The following BABAM2 variants were observed in gnomAD, a reference collection of about 807,000 sequenced individuals.
The protein encoded by BABAM2 is BRISC and BRCA1 A complex member 2.
Under a neutral mutation model 54.7 loss-of-function variants are expected in BABAM2, and 31 were observed. That is an observed-to-expected ratio of 0.57 (90% CI 0.43 to 0.77). The LOEUF is 0.77. Ranked by LOEUF, BABAM2 falls within the 30% of genes least tolerant of loss-of-function variation. The pLI, the probability that BABAM2 is intolerant of heterozygous loss-of-function variation, is 0.00. For missense variants in BABAM2, 364 were observed against 455.8 expected, an observed-to-expected ratio of 0.80 and a Z score of 1.83; for synonymous variants, 167 against 162.9, an observed-to-expected ratio of 1.03 and a Z score of -0.19.
intron 11 of BABAM2, among the ~76,000 whole-genome samples, chr2:28,314,137 C>G (rs969046637): frequency 6.6e-6 from 1 of 152,154 alleles, no homozygotes; most frequent in Non-Finnish European, 1.5e-5. Flanking sequence ...CTCCTAATCA[C>G]CTTACAGACA....
chr2:27,938,988 C>G (rs941520683), intron 3 of BABAM2, among the ~76,000 whole-genome samples: 1 of 152,106 alleles, frequency 6.6e-6, no homozygotes, highest in Non-Finnish European at 1.5e-5. Flanking sequence ...AAGTCTTGCT[C>G]TAGCACCAGG....
chr2:28,045,618 G>T, intron 5 of BABAM2, 107 bp from the exon 6 acceptor site: 1 of 847,776 alleles, frequency 1.2e-6, no homozygotes. Flanking sequence ...AAACCAAATT[G>T]AAGATGCCTG....
chr2:28,109,349 C>T (rs913169540), intron 6 of BABAM2, among the ~76,000 whole-genome samples: 15 of 151,802 alleles, frequency 9.9e-5, no homozygotes, highest in Admixed American at 5.3e-4. Flanking sequence ...CCACCATGCC[C>T]GGCTAATTTT....
intron 7 of BABAM2, among the ~76,000 whole-genome samples, chr2:28,166,025 A>G (rs996505837): frequency 6.6e-6 from 1 of 152,174 alleles, no homozygotes; most frequent in African/African-American, 2.4e-5. Flanking sequence ...CAATGTCCTT[A>G]TAATAAGAGG....
chr2:28,129,425 A>T, intron 7 of BABAM2, 45 bp downstream of exon 7: 1 of 1,462,502 alleles, frequency 6.8e-7, no homozygotes, highest in Non-Finnish European at 9.6e-7. Flanking sequence ...CTTCTTGCTA[A>T]CCAATATGTC....
intron 3 of BABAM2, among the ~76,000 whole-genome samples, chr2:27,933,158 A>C (rs1215983052): frequency 6.6e-6 from 1 of 152,212 alleles, no homozygotes; most frequent in Non-Finnish European, 1.5e-5. Context: ...TAAGCTCTTC[A>C]TGGGAAACCT....
intron 10 of BABAM2, among the ~76,000 whole-genome samples, chr2:28,297,244 A>T (rs572208774): frequency 1.4e-3 from 212 of 152,304 alleles, no homozygotes; most frequent in African/African-American, 3.6e-3. Flanking sequence ...TATACCTCTT[A>T]GAGTCTCTGG....
chr2:28,270,039 A>G (rs1685293569), intron 10 of BABAM2, among the ~76,000 whole-genome samples: 1 of 152,160 alleles, frequency 6.6e-6, no homozygotes. Context: ...CTATTATTAT[A>G]ATTTTATTAG....
At chr2:28,310,275 A>G in intron 11 of BABAM2, 1 of 978,094 alleles carries the variant, frequency 1.0e-6, no homozygotes, top group Non-Finnish European at 1.5e-6. Context: ...GAAGCCACTC[A>G]CCATCCTCTC....
At chr2:28,060,642 T>G (rs116759927) in intron 6 of BABAM2, among the ~76,000 whole-genome samples, 1,844 of 152,316 alleles carry the variant, frequency 0.012, 33 homozygotes, top group African/African-American at 0.041. Flanking sequence ...TTTGTAATGT[T>G]GCAGGATACA....
At chr2:28,137,735 A>T (rs1048158001) in intron 7 of BABAM2, among the ~76,000 whole-genome samples, 1 of 152,198 alleles carries the variant, frequency 6.6e-6, no homozygotes, top group Non-Finnish European at 1.5e-5. Flanking sequence ...GGCAGAAAAT[A>T]CACATTTAGA....
intron 3 of BABAM2, among the ~76,000 whole-genome samples, chr2:27,979,988 A>G (rs1671886776): frequency 2.0e-5 from 3 of 152,136 alleles, no homozygotes; most frequent in African/African-American, 7.2e-5. Context: ...TCTACTTTGT[A>G]TTTAACATTT....
chr2:28,098,968 G>T (rs554656515), intron 6 of BABAM2, among the ~76,000 whole-genome samples: 1 of 152,198 alleles, frequency 6.6e-6, no homozygotes, highest in East Asian at 1.9e-4. Flanking sequence ...ACAAGGTTAG[G>T]ATCTCAGACT....
At chr2:27,963,872 A>C (rs1358276173) in intron 3 of BABAM2, among the ~76,000 whole-genome samples, 2 of 152,224 alleles carry the variant, frequency 1.3e-5, no homozygotes, top group East Asian at 3.8e-4. Flanking sequence ...GGAGGACTCA[A>C]GTTTAAAGAG....
At chr2:28,170,923 A>G (rs1263815672) in intron 7 of BABAM2, among the ~76,000 whole-genome samples, 1 of 152,234 alleles carries the variant, frequency 6.6e-6, no homozygotes, top group African/African-American at 2.4e-5. Flanking sequence ...AGAACACGGT[A>G]TAAAAGGATA....
intron 7 of BABAM2, among the ~76,000 whole-genome samples, chr2:28,131,736 G>C (rs1670095063): frequency 6.6e-6 from 1 of 152,158 alleles, no homozygotes; most frequent in South Asian, 2.1e-4. Flanking sequence ...GTGTTTAGCA[G>C]GGATAAGTTG....
intron 6 of BABAM2, among the ~76,000 whole-genome samples, chr2:28,089,508 T>C (rs182941569): frequency 6.6e-6 from 1 of 152,332 alleles, no homozygotes; most frequent in East Asian, 1.9e-4. Context: ...ACCTAAGTGA[T>C]AGATTTCTAG....
intron 7 of BABAM2, among the ~76,000 whole-genome samples, chr2:28,185,816 G>A (rs1676220378): frequency 6.6e-6 from 1 of 151,944 alleles, no homozygotes; most frequent in Non-Finnish European, 1.5e-5. Flanking sequence ...ACTCCATCAG[G>A]CCATCTACAA....
At chr2:28,124,720 C>T (rs1331318194) in intron 6 of BABAM2, among the ~76,000 whole-genome samples, 4 of 152,184 alleles carry the variant, frequency 2.6e-5, no homozygotes, top group Non-Finnish European at 4.4e-5. Flanking sequence ...ACTTATCCCC[C>T]TCCTCACCCA....
Sources: allele counts gnomAD v4.1 joint callset (sites outside exome capture counted in the v4.1 genomes callset), GRCh38; gene constraint gnomAD v4.1.1; transcripts MANE v1.5; gene names NCBI Gene and HGNC (gene_info 2026-07-23, HGNC 2026-07-21).